Variants in WDPCP observed in about 807,000 individuals in gnomAD.
The protein encoded by WDPCP is WD repeat-containing and planar cell polarity effector protein fritz homolog.
In WDPCP, 71 loss-of-function variants were observed where a neutral mutation model predicts 93.1. That is an observed-to-expected ratio of 0.76 (90% CI 0.63 to 0.93). WDPCP has a LOEUF of 0.93. Among genes scored for constraint, WDPCP ranks in the 40% least tolerant of loss-of-function variants. The pLI, the probability that WDPCP is intolerant of heterozygous loss-of-function variation, is 0.00. For synonymous variants in WDPCP, 315 were observed against 315.0 expected (o/e 1.00, Z 0.00); for missense variants, 844 against 887.4 (o/e 0.95, Z 0.62).
intron 6 of WDPCP, among the ~76,000 whole-genome samples, chr2:63,459,294 A>G (rs12464471): frequency 0.17 from 26,456 of 152,062 alleles, 2,940 homozygotes; most frequent in Non-Finnish European, 0.22. Context: ...CTTGTATAGG[A>G]GAAAATGTTT....
chr2:63,119,845 C>T lies in WDPCP; in HGVS notation c.*2161G>A, dbSNP rs575344100. Among the ~76,000 whole-genome samples the T allele has an allele frequency of 6.6e-6, 1 of 152,176 alleles. No individual in the cohort carries two copies. The highest frequency in any genetic ancestry group is 1.5e-5 in the Non-Finnish European group (1 of 68,032). ...AATTTAATTAATATTCTCAGATTTACAACATCTGGGAAATAACAGCATTTA... is the reference window on the plus strand; with the variant it reads ...AATTTAATTAATATTCTCAGATTTATAACATCTGGGAAATAACAGCATTTA... On this transcript the variant is annotated 3_prime_UTR_variant, in exon 18 of 18. Transcript: ENST00000272321.
chr2:63,402,994 C>T (rs1380859624), intron 10 of WDPCP, among the ~76,000 whole-genome samples: 7 of 152,142 alleles, frequency 4.6e-5, no homozygotes, highest in African/African-American at 1.4e-4. Flanking sequence ...TTTGTTGCAG[C>T]ACCATTCACA....
At chr2:63,135,826 G>A (rs1003325787) in intron 17 of WDPCP, among the ~76,000 whole-genome samples, 11 of 152,024 alleles carry the variant, frequency 7.2e-5, no homozygotes, top group Non-Finnish European at 2.9e-5. Flanking sequence ...CTAACTCCTG[G>A]GCTCAGGCAA....
At chr2:63,737,725 C>T (rs1015126466) in intron 2 of WDPCP, among the ~76,000 whole-genome samples, 10 of 152,082 alleles carry the variant, frequency 6.6e-5, no homozygotes, top group African/African-American at 2.4e-4. Flanking sequence ...TCAACCTTTA[C>T]CACATACTAT....
At chr2:63,517,460 A>C (rs1000567668) in intron 1 of WDPCP, among the ~76,000 whole-genome samples, 1 of 152,172 alleles carries the variant, frequency 6.6e-6, no homozygotes, top group Non-Finnish European at 1.5e-5. Flanking sequence ...CCTAGGATAA[A>C]ATGCAATAAG....
chr2:63,332,687 C>T (rs1688067660), intron 12 of WDPCP, among the ~76,000 whole-genome samples: 1 of 152,154 alleles, frequency 6.6e-6, no homozygotes, highest in Admixed American at 6.5e-5. Flanking sequence ...CAGTTTGTGG[C>T]TTCCATTTTC....
intron 2 of WDPCP, among the ~76,000 whole-genome samples, chr2:63,762,925 GT>G (rs1670078563): frequency 6.6e-6 from 1 of 152,088 alleles, no homozygotes; most frequent in African/African-American, 2.4e-5. Flanking sequence ...GTATATAATT[GT>G]GGAAAGCTTC....
intron 12 of WDPCP, among the ~76,000 whole-genome samples, chr2:63,333,651 G>A (rs971448332): frequency 6.6e-6 from 1 of 152,094 alleles, no homozygotes; most frequent in Non-Finnish European, 1.5e-5. Flanking sequence ...CCTATAGCCC[G>A]GAAGCCCCTG....
chr2:63,174,179 CATT>C (rs1673620432), intron 15 of WDPCP, among the ~76,000 whole-genome samples: 1 of 152,012 alleles, frequency 6.6e-6, no homozygotes, highest in South Asian at 2.1e-4. Flanking sequence ...CTTTAAATAA[CATT>C]ATTACTTTTG....
intron 12 of WDPCP, among the ~76,000 whole-genome samples, chr2:63,343,289 A>ATTT (rs202066228): frequency 6.8e-6 from 1 of 146,160 alleles, no homozygotes. Flanking sequence ...ATTACAGGTG[A>ATTT]TTTTTTTTTT....
intron 13 of WDPCP, among the ~76,000 whole-genome samples, chr2:63,303,244 G>A (rs886286648): frequency 6.6e-6 from 1 of 152,142 alleles, no homozygotes; most frequent in African/African-American, 2.4e-5. Context: ...ACCAGTTCCA[G>A]TGGCCCTCCT....
At chr2:63,496,902 A>T (rs766553465) in intron 1 of WDPCP, among the ~76,000 whole-genome samples, 2 of 152,050 alleles carry the variant, frequency 1.3e-5, no homozygotes, top group Non-Finnish European at 2.9e-5. Flanking sequence ...ACTTGAGACC[A>T]AGAGTTCGAG....
chr2:63,595,886 A>G (rs933630385), intron 3 of WDPCP, among the ~76,000 whole-genome samples: 8 of 152,332 alleles, frequency 5.3e-5, no homozygotes, highest in East Asian at 1.9e-4. Flanking sequence ...TTAACTGGTA[A>G]TAGTAGCATC....
chr2:63,475,332 G>T (rs1259838776), intron 6 of WDPCP, among the ~76,000 whole-genome samples: 1 of 151,986 alleles, frequency 6.6e-6, no homozygotes, highest in African/African-American at 2.4e-5. Context: ...CTTGCCTAAA[G>T]TTATGTCCTT....
At chr2:63,448,897 T>C (rs1698044622) in intron 6 of WDPCP, among the ~76,000 whole-genome samples, 1 of 152,064 alleles carries the variant, frequency 6.6e-6, no homozygotes, top group Admixed American at 6.6e-5. Context: ...AGGTACAAAG[T>C]TTTTGTTAGA....
At chr2:63,197,479 G>A (rs888354364) in intron 14 of WDPCP, among the ~76,000 whole-genome samples, 1 of 151,988 alleles carries the variant, frequency 6.6e-6, no homozygotes, top group Non-Finnish European at 1.5e-5. Flanking sequence ...AGGGTTAGTT[G>A]TACTTTTAAA....
intron 14 of WDPCP, among the ~76,000 whole-genome samples, chr2:63,189,081 G>C (rs1281116006): frequency 6.6e-6 from 1 of 152,058 alleles, no homozygotes; most frequent in Non-Finnish European, 1.5e-5. Flanking sequence ...GTGTCTTCGC[G>C]GGAGCCGTTT....
intron 3 of WDPCP, among the ~76,000 whole-genome samples, chr2:63,647,221 T>A (rs913662387): frequency 6.6e-6 from 1 of 152,202 alleles, no homozygotes; most frequent in Non-Finnish European, 1.5e-5. Context: ...CACTGCAACC[T>A]CTGCCTTCTG....
At chr2:63,252,175 A>G (rs561191601) in intron 14 of WDPCP, among the ~76,000 whole-genome samples, 1 of 152,354 alleles carries the variant, frequency 6.6e-6, no homozygotes, top group East Asian at 1.9e-4. Context: ...AACAGAATTA[A>G]AAACAAAAAC....
Sources: gnomAD v4.1 joint callset for allele counts (sites outside exome capture counted in the v4.1 genomes callset) on GRCh38, gnomAD v4.1.1 for gene constraint, MANE v1.5 for transcripts, NCBI Gene and HGNC (gene_info 2026-07-23, HGNC 2026-07-21) for gene names.